NECTIN3: variants seen among roughly 807,000 people sequenced by gnomAD.
NECTIN3 encodes the protein nectin cell adhesion molecule 3.
NECTIN3 carries 8 observed loss-of-function variants against 49.4 expected under a neutral mutation model. The observed-to-expected ratio is 0.16, with a 90% CI of 0.10 to 0.29. The LOEUF is 0.29. Among genes scored for constraint, NECTIN3 ranks in the 10% least tolerant of loss-of-function variants. The pLI is 1.00. For missense variants in NECTIN3, 581 were observed against 654.6 expected, an observed-to-expected ratio of 0.89 and a Z score of 1.23; for synonymous variants, 277 against 241.1, an observed-to-expected ratio of 1.15 and a Z score of -1.38.
chr3:111,103,242 T>C (rs1214093916), intron 1 of NECTIN3, among the ~76,000 whole-genome samples: 2 of 152,154 alleles, frequency 1.3e-5, no homozygotes, highest in Non-Finnish European at 1.5e-5. Context: ...ATCTTGACAA[T>C]ATTGAGTCTT....
At chr3:111,168,784 G>T (rs1341580935) in intron 7 of NECTIN3, among the ~76,000 whole-genome samples, 1 of 152,166 alleles carries the variant, frequency 6.6e-6, no homozygotes, top group Non-Finnish European at 1.5e-5. Flanking sequence ...CACAATCGAG[G>T]ATAGGAGCAT....
At position 111,134,130 on chromosome 3, in the gene NECTIN3, G is replaced by A; in HGVS notation, c.1565G>A (p.Ser522Asn). Residue 522 changes from serine to asparagine, a missense_variant, in exon 6 of 6, where the codon AGT (serine) becomes AAT (asparagine). This residue lies in a region of NECTIN3 where 238 missense variants were observed against 244.9 expected (regional missense o/e 0.97). Transcript: ENST00000485303. ...CTAAAAATGGGAATGAAGTTTGTCA[G>A]TGATGAACATTATGATGAAAACGAA... ...EDLKMGMKFVSDEHYDENEDD... is the reference protein window; with the variant it reads ...EDLKMGMKFVNDEHYDENEDD... 1 of 1,613,248 alleles carries A rather than the reference G, an allele frequency of 6.2e-7. No individual in the cohort carries two copies.
intron 1 of NECTIN3, chr3:111,077,269 T>C: frequency 2.4e-6 from 1 of 415,666 alleles, no homozygotes; most frequent in South Asian, 1.8e-5. Context: ...AGGGAAGACC[T>C]GTTGCATTGT....
intron 1 of NECTIN3, among the ~76,000 whole-genome samples, chr3:111,106,061 G>A (rs974902613): frequency 5.9e-4 from 85 of 144,844 alleles, no homozygotes; most frequent in African/African-American, 2.1e-3. Flanking sequence ...TTCACTTAAT[G>A]TATAGGATAC....
At chr3:111,092,133 G>T (rs2032307142) in intron 1 of NECTIN3, among the ~76,000 whole-genome samples, 1 of 152,086 alleles carries the variant, frequency 6.6e-6, no homozygotes, top group South Asian at 2.1e-4. Context: ...GTTTCAATTG[G>T]GTTATTTATA....
chr3:111,108,043 A>C (rs2033262239), intron 1 of NECTIN3, among the ~76,000 whole-genome samples: 1 of 152,156 alleles, frequency 6.6e-6, no homozygotes, highest in Non-Finnish European at 1.5e-5. Context: ...TCAAACAAAA[A>C]ACACAGCAAA....
intron 7 of NECTIN3, among the ~76,000 whole-genome samples, chr3:111,180,260 A>G (rs2035603300): frequency 6.6e-6 from 1 of 152,236 alleles, no homozygotes; most frequent in Admixed American, 6.5e-5. Context: ...ACAAAATTAT[A>G]AATTACTACC....
intron 7 of NECTIN3, among the ~76,000 whole-genome samples, chr3:111,154,995 G>T (rs191390708): frequency 2.3e-4 from 35 of 152,158 alleles, no homozygotes; most frequent in South Asian, 6.2e-4. Flanking sequence ...GGAGTGCAGT[G>T]GGTGCAATCT....
chr3:111,137,847 A>G (rs543573004), downstream of NECTIN3, among the ~76,000 whole-genome samples: 1 of 129,592 alleles, frequency 7.7e-6, no homozygotes, highest in East Asian at 2.2e-4. Flanking sequence ...CAGGTTTGTT[A>G]CACAGGTAAT....
At chr3:111,109,372 A>G (rs2033357820) in intron 1 of NECTIN3, among the ~76,000 whole-genome samples, 1 of 152,144 alleles carries the variant, frequency 6.6e-6, no homozygotes, top group Non-Finnish European at 1.5e-5. Context: ...AAAACTAGAA[A>G]TTCTTTCTTT....
chr3:111,136,077 C>A lies in NECTIN3; in HGVS notation c.*1862C>A, dbSNP rs574050341. On this transcript the variant is annotated 3_prime_UTR_variant, in exon 6 of 6. Coordinates refer to ENST00000485303, the MANE Select transcript of NECTIN3 (RefSeq NM_015480.3). ...GATGTGACTTTATTTTTAATTTAAA[C>A]GATGAGGTGGCCAGAAGAAAGATGG... The A allele has an allele frequency of 1.1e-5, 11 of 982,900 alleles. No homozygotes were observed. In the African/African-American group the frequency reaches 1.9e-4, roughly 17 times the overall value. The allele number at this position is 982,900 out of a possible 1,614,324, so 60.9% of individuals were successfully genotyped here.
At chr3:111,117,656 CA>C (rs2033745352) in intron 2 of NECTIN3, among the ~76,000 whole-genome samples, 1 of 151,138 alleles carries the variant, frequency 6.6e-6, no homozygotes, top group Non-Finnish European at 1.5e-5. Context: ...TCAATACCAT[CA>C]AGAACAGATG....
chr3:111,128,954 C>A (rs976115562), intron 5 of NECTIN3, among the ~76,000 whole-genome samples: 1 of 152,160 alleles, frequency 6.6e-6, no homozygotes, highest in Non-Finnish European at 1.5e-5. Flanking sequence ...CCCATTTTAC[C>A]CACAATGAAA....
chr3:111,121,459 C>T (rs1384092544), intron 3 of NECTIN3, among the ~76,000 whole-genome samples: 1 of 152,092 alleles, frequency 6.6e-6, no homozygotes, highest in Non-Finnish European at 1.5e-5. Flanking sequence ...GCTCATTCAA[C>T]TAGTTGTGTT....
intron 7 of NECTIN3, among the ~76,000 whole-genome samples, chr3:111,179,024 A>G (rs1395571720): frequency 6.6e-6 from 1 of 152,224 alleles, no homozygotes; most frequent in African/African-American, 2.4e-5. Flanking sequence ...TTGGCTATAT[A>G]GCTACCTGCT....
chr3:111,181,246 T>C (rs972974829), intron 7 of NECTIN3, among the ~76,000 whole-genome samples: 3 of 152,204 alleles, frequency 2.0e-5, no homozygotes. Flanking sequence ...GTCCAATTTC[T>C]TTTGCTCAGT....
intron 7 of NECTIN3, among the ~76,000 whole-genome samples, chr3:111,158,619 C>T (rs1405594332): frequency 6.6e-6 from 1 of 152,104 alleles, no homozygotes; most frequent in African/African-American, 2.4e-5. Flanking sequence ...AATAATTTTA[C>T]TATGGTTATT....
At chr3:111,182,950 CTGAG>C (rs2035652050) in intron 7 of NECTIN3, among the ~76,000 whole-genome samples, 2 of 151,846 alleles carry the variant, frequency 1.3e-5, no homozygotes, top group Non-Finnish European at 2.9e-5. Flanking sequence ...TTTAAATTAG[CTGAG>C]TGATTAAGTA....
chr3:111,164,971 T>C (rs571119130), intron 7 of NECTIN3, among the ~76,000 whole-genome samples: 1 of 152,348 alleles, frequency 6.6e-6, no homozygotes, highest in Non-Finnish European at 1.5e-5. Context: ...TCTTTTATTG[T>C]CAAAATTTTA....
Sources: allele counts gnomAD v4.1 joint callset (sites outside exome capture counted in the v4.1 genomes callset), GRCh38; gene constraint gnomAD v4.1.1; regional missense constraint gnomAD v4.1.1; transcripts MANE v1.5; gene names NCBI Gene and HGNC (gene_info 2026-07-23, HGNC 2026-07-21).